The following THSD4 variants were observed in gnomAD, a reference collection of about 807,000 sequenced individuals.
THSD4 encodes the protein thrombospondin type-1 domain-containing protein 4.
THSD4 carries 69 observed loss-of-function variants against 119.0 expected under a neutral mutation model. That is an observed-to-expected ratio of 0.58 (90% CI 0.48 to 0.71). The LOEUF is 0.71. THSD4 is among the 30% of genes least tolerant of loss of function. The pLI is 0.00. For missense variants in THSD4, 1,393 were observed against 1,391.1 expected, an observed-to-expected ratio of 1.00 and a Z score of -0.02; for synonymous variants, 524 against 540.4, an observed-to-expected ratio of 0.97 and a Z score of 0.42.
intron 7 of THSD4, among the ~76,000 whole-genome samples, chr15:71,607,041 G>A (rs1359002881): frequency 1.3e-5 from 2 of 152,186 alleles, no homozygotes; most frequent in African/African-American, 4.8e-5. Flanking sequence ...GGCCAGCTGG[G>A]GGCCACATGG....
chr15:71,312,464 T>C (rs1452109639), intron 6 of THSD4, among the ~76,000 whole-genome samples: 1 of 152,114 alleles, frequency 6.6e-6, no homozygotes, highest in African/African-American at 2.4e-5. Flanking sequence ...CAGGGCTGCA[T>C]ATGCACATCT....
chr15:71,558,200 C>T (rs1475986300), intron 7 of THSD4, among the ~76,000 whole-genome samples: 1 of 152,098 alleles, frequency 6.6e-6, no homozygotes, highest in Non-Finnish European at 1.5e-5. Flanking sequence ...TGGTGGCTGG[C>T]ATCTGTAGTC....
At chr15:71,490,080 C>T (rs749031984) in intron 7 of THSD4, among the ~76,000 whole-genome samples, 2 of 152,222 alleles carry the variant, frequency 1.3e-5, no homozygotes, top group Middle Eastern at 3.4e-3. Context: ...GTAATGTTTA[C>T]ATAAAATATT....
chr15:71,692,256 AAACTG>A (rs1486607595), intron 8 of THSD4, among the ~76,000 whole-genome samples: 1 of 152,242 alleles, frequency 6.6e-6, no homozygotes, highest in Non-Finnish European at 1.5e-5. Flanking sequence ...CTATTATTCT[AAACTG>A]AACTGCTGCT....
intron 8 of THSD4, among the ~76,000 whole-genome samples, chr15:71,683,398 G>T (rs1040743312): frequency 6.6e-6 from 1 of 152,102 alleles, no homozygotes; most frequent in Non-Finnish European, 1.5e-5. Flanking sequence ...GGAATTCTGG[G>T]TACTGGGAAT....
chr15:71,565,113 GC>G (rs1482412039), intron 7 of THSD4, among the ~76,000 whole-genome samples: 1 of 152,176 alleles, frequency 6.6e-6, no homozygotes, highest in African/African-American at 2.4e-5. Context: ...GACTGTGGCT[GC>G]AGGTCCAGCA....
intron 7 of THSD4, among the ~76,000 whole-genome samples, chr15:71,430,993 G>C (rs1035318860): frequency 6.6e-6 from 1 of 152,092 alleles, no homozygotes; most frequent in Non-Finnish European, 1.5e-5. Flanking sequence ...AAGAAGAACA[G>C]ATTCTTACTG....
intron 6 of THSD4, among the ~76,000 whole-genome samples, chr15:71,326,700 A>AATATATATATATATAT (rs71154759): frequency 0.017 from 110 of 6,372 alleles, 5 homozygotes; most frequent in Non-Finnish European, 0.025. Context: ...AAAAAAAAAA[A>AATATATATATATATAT]ATATATATAT....
At chr15:71,457,935 G>A (rs931321827) in intron 7 of THSD4, among the ~76,000 whole-genome samples, 15 of 152,170 alleles carry the variant, frequency 9.9e-5, no homozygotes, top group African/African-American at 3.6e-4. Flanking sequence ...ACAATGCCTA[G>A]CATATATGTG....
rs2043919186 is a variant in THSD4, at chr15:71,215,039, C to T, written c.104C>T (p.Pro35Leu). The change falls in exon 4 of 18, where the codon CCG (proline) becomes CTG (leucine). Residue 35 changes from proline to leucine, a missense_variant. Pro to Leu is a moderately conservative substitution (Grantham distance 98). Coordinates refer to ENST00000261862, the MANE Select transcript of THSD4 (RefSeq NM_024817.3). ...AACCTGCCTCTGTCTCCGCAGGTCC[C>T]GCAGCGGATGGCGGCGGAGGGCGCC... is the stretch of plus-strand genomic sequence containing the variant. ...PQPSTQHRKV[P>L]QRMAAEGAPE... 1 of 1,286,774 alleles carries T rather than the reference C, an allele frequency of 7.8e-7. No homozygotes were observed. Among genetic ancestry groups the T allele is most frequent in the Non-Finnish European group, 9.9e-7 (1 of 1,012,156 alleles). 79.7% of individuals were successfully genotyped at this position (1,286,774 alleles called of 1,614,324 possible).
chr15:71,113,475 A>G (rs1395677782), upstream of THSD4: 1 of 152,218 alleles, frequency 6.6e-6, no homozygotes, highest in African/African-American at 2.4e-5. Flanking sequence ...AAAAATAACA[A>G]ACAAAACCAC....
At chr15:71,322,846 C>G (rs1447926222) in intron 6 of THSD4, among the ~76,000 whole-genome samples, 1 of 152,088 alleles carries the variant, frequency 6.6e-6, no homozygotes. Flanking sequence ...ACCTGTAATC[C>G]CAGCACCTAA....
chr15:71,748,628 G>A (rs769362311), intron 14 of THSD4, 34 bp downstream of exon 14: 23 of 1,609,168 alleles, frequency 1.4e-5, no homozygotes, highest in African/African-American at 6.7e-5. Flanking sequence ...GCCGGGGACC[G>A]AGGTCTGCCA....
chr15:71,264,737 C>G (rs945643232), intron 6 of THSD4, among the ~76,000 whole-genome samples: 20 of 152,132 alleles, frequency 1.3e-4, no homozygotes, highest in Middle Eastern at 6.8e-3. Context: ...ATTAAGGAAG[C>G]AGGGGAAAGA....
intron 6 of THSD4, among the ~76,000 whole-genome samples, chr15:71,344,102 G>C (rs910991001): frequency 1.4e-5 from 2 of 146,676 alleles, no homozygotes; most frequent in Non-Finnish European, 3.0e-5. Flanking sequence ...GCAGTGGCGC[G>C]ATCTCTGCTC....
At chr15:71,754,135 A>G (rs1033724600) in intron 14 of THSD4, among the ~76,000 whole-genome samples, 5 of 140,210 alleles carry the variant, frequency 3.6e-5, no homozygotes, top group Non-Finnish European at 7.5e-5. Flanking sequence ...AGGCTAGAGT[A>G]CAGTGGCATG....
chr15:71,412,910 AATG>A (rs771838390), intron 7 of THSD4, among the ~76,000 whole-genome samples: 10 of 152,226 alleles, frequency 6.6e-5, no homozygotes, highest in Non-Finnish European at 1.5e-4. Context: ...TACAGTGTGT[AATG>A]ATCAAATCTG....
intron 7 of THSD4, among the ~76,000 whole-genome samples, chr15:71,611,719 G>A (rs2050233040): frequency 1.3e-5 from 2 of 152,240 alleles, no homozygotes; most frequent in African/African-American, 4.8e-5. Context: ...TGACATTTCA[G>A]TTGGAAATTA....
At chr15:71,297,342 T>G (rs181095151) in intron 6 of THSD4, among the ~76,000 whole-genome samples, 37 of 151,916 alleles carry the variant, frequency 2.4e-4, no homozygotes, top group African/African-American at 8.7e-4. Flanking sequence ...GTTTGTTTGT[T>G]TGTTTGTTTC....
Sources: allele counts gnomAD v4.1 joint callset (sites outside exome capture counted in the v4.1 genomes callset), GRCh38; gene constraint gnomAD v4.1.1; transcripts MANE v1.5; gene names NCBI Gene and HGNC (gene_info 2026-07-23, HGNC 2026-07-21).